Variants in CCDC73 observed in about 807,000 individuals in gnomAD.
The protein encoded by CCDC73 is coiled-coil domain containing 73.
A neutral mutation model predicts 116.5 loss-of-function variants in CCDC73; 95 were observed. The observed-to-expected ratio is 0.82, with a 90% CI of 0.69 to 0.97. The LOEUF is 0.97. Among genes scored for constraint, CCDC73 ranks in the 50% least tolerant of loss-of-function variants. The pLI is 0.00. For synonymous variants in CCDC73, 398 were observed against 401.3 expected, an observed-to-expected ratio of 0.99 and a Z score of 0.10; for missense variants, 1,066 against 1,206.8, an observed-to-expected ratio of 0.88 and a Z score of 1.73.
the CCDC73 span, among the ~76,000 whole-genome samples, chr11:32,806,707 C>T: frequency 3.3e-5 from 5 of 151,904 alleles, no homozygotes; most frequent in African/African-American, 4.8e-5. Context: ...TGGTTAGCCT[C>T]CCCAGGTCCA....
Position 32,760,234 on chromosome 11 carries a change from T to C in CCDC73, c.10A>G (p.Asn4Asp). 6.4e-7 allele frequency: 1 copy of C among 1,557,370 alleles called. No individual in the cohort carries two copies. The highest frequency in any genetic ancestry group is 8.7e-7 in the Non-Finnish European group (1 of 1,147,672). Reference sequence around the variant, plus strand: ...GTAGATGATGACTCAGTATTGAAGTTGCTTTCCATATTAATATTTATTTCC... The same window carrying C: ...GTAGATGATGACTCAGTATTGAAGTCGCTTTCCATATTAATATTTATTTCC... MES[N>D]FNTESSSTFT... The change falls in exon 2 of 18, where the codon AAC (asparagine) becomes GAC (aspartate). Residue 4 changes from asparagine (N) to aspartate (D), a missense_variant. Asn to Asp is a conservative substitution (Grantham distance 23). Coordinates refer to ENST00000335185, the MANE Select transcript of CCDC73 (RefSeq NM_001008391.4).
chr11:32,815,299 TA>T, the CCDC73 span, among the ~76,000 whole-genome samples: 1 of 151,262 alleles, frequency 6.6e-6, no homozygotes, highest in Non-Finnish European at 1.5e-5. Context: ...TGAGATGAAA[TA>T]AATTCATCCA....
chr11:32,631,716 G>A (rs1340470175), intron 14 of CCDC73, among the ~76,000 whole-genome samples: 1 of 152,118 alleles, frequency 6.6e-6, no homozygotes, highest in Non-Finnish European at 1.5e-5. Flanking sequence ...CTGGTGTGGT[G>A]GTGTGCACCC....
At position 32,652,406 on chromosome 11, in the gene CCDC73, T is replaced by C. The variant is rs139282698; in HGVS notation, c.939+717A>G. 7.6e-3 allele frequency among the ~76,000 whole-genome samples: 1,160 copies of C among 152,288 alleles called. 6 individuals are homozygous for C. The highest frequency in any genetic ancestry group is 0.012 in the Non-Finnish European group (829 of 68,020). ...ATGAACTTATCACATTTTACTTTAC[T>C]GGTAACACTAGAGTGGACCTTCACC... On this transcript the variant is annotated intron_variant, in intron 12 of 17. Transcript: ENST00000335185.
the CCDC73 span, among the ~76,000 whole-genome samples, chr11:32,811,748 T>C: frequency 1.3e-5 from 2 of 151,948 alleles, no homozygotes. Context: ...AAACATAAAG[T>C]GAGAACGCAT....
intron 2 of CCDC73, chr11:32,758,468 A>G (rs779420984): frequency 2.2e-6 from 1 of 461,660 alleles, no homozygotes; most frequent in Non-Finnish European, 4.3e-6. Context: ...TTATGAGGTT[A>G]TCTTGAAAAA....
At chr11:32,803,448 A>G in the CCDC73 span, among the ~76,000 whole-genome samples, 1 of 152,238 alleles carries the variant, frequency 6.6e-6, no homozygotes, top group Non-Finnish European at 1.5e-5. Flanking sequence ...AATGTACTAA[A>G]CAGCATGCAC....
chr11:32,799,953 T>G, the CCDC73 span, among the ~76,000 whole-genome samples: 1 of 152,240 alleles, frequency 6.6e-6, no homozygotes, highest in African/African-American at 2.4e-5. Context: ...TTCATCTTTG[T>G]ATCTGTAACC....
chr11:32,626,633 A>G (rs1489842459), intron 14 of CCDC73, among the ~76,000 whole-genome samples: 3 of 152,312 alleles, frequency 2.0e-5, no homozygotes, highest in African/African-American at 7.2e-5. Flanking sequence ...ACAGAGATAT[A>G]GACCAATGGA....
intron 3 of CCDC73, among the ~76,000 whole-genome samples, chr11:32,708,981 G>T (rs1055549098): frequency 1.3e-5 from 2 of 152,132 alleles, no homozygotes; most frequent in East Asian, 3.9e-4. Flanking sequence ...TCCTTGTCTT[G>T]TTCCAGTTCT....
chr11:32,703,618 A>C (rs1849830994), intron 3 of CCDC73, among the ~76,000 whole-genome samples: 1 of 152,228 alleles, frequency 6.6e-6, no homozygotes, highest in Admixed American at 6.5e-5. Context: ...CAATGACAAC[A>C]ACAACAACAA....
In CCDC73 at chr11:32,653,972, G is replaced by A; in HGVS notation, c.834+6C>T. 1 of 1,594,886 alleles carries A rather than the reference G, an allele frequency of 6.3e-7. No homozygotes were observed. The highest frequency in any genetic ancestry group is 8.5e-7 in the Non-Finnish European group (1 of 1,172,656). ...ACTGGCTTCCAAATAGCTTATGATT[G>A]CTTACCTGTTTTTCTTCTTGAATAT... On this transcript the variant is annotated splice_donor_region_variant and intron_variant, in intron 11 of 17. Coordinates refer to ENST00000335185, the MANE Select transcript of CCDC73 (RefSeq NM_001008391.4).
At chr11:32,653,898 T>C in intron 11 of CCDC73, 80 bp downstream of exon 11, 1 of 1,486,792 alleles carries the variant, frequency 6.7e-7, no homozygotes, top group Non-Finnish European at 9.0e-7. Flanking sequence ...CTATGTGCTA[T>C]GCATGATTCC....
intron 12 of CCDC73, among the ~76,000 whole-genome samples, 168 bp downstream of exon 12, chr11:32,652,955 A>G (rs923965821): frequency 1.1e-4 from 16 of 152,328 alleles, no homozygotes; most frequent in Non-Finnish European, 1.5e-5. Context: ...ATATATGTTC[A>G]TTACTTTAGA....
At chr11:32,631,728 T>G (rs191120288) in intron 14 of CCDC73, among the ~76,000 whole-genome samples, 1 of 152,202 alleles carries the variant, frequency 6.6e-6, no homozygotes, top group African/African-American at 2.4e-5. Context: ...TGTGCACCCA[T>G]AGTCAGGCTG....
intron 13 of CCDC73, 87 bp from the exon 14 acceptor site, chr11:32,635,917 A>G: frequency 1.2e-6 from 1 of 832,534 alleles, no homozygotes; most frequent in Non-Finnish European, 1.5e-6. Context: ...CAAAAGTTTC[A>G]GGAAATAGTC....
At chr11:32,700,909 T>C in intron 4 of CCDC73, 83 bp from the exon 5 acceptor site, 1 of 532,544 alleles carries the variant, frequency 1.9e-6, no homozygotes, top group Non-Finnish European at 3.3e-6. Context: ...AAGAAACACT[T>C]TACACATCTA....
In CCDC73 at chr11:32,608,843, A is replaced by G. The variant is rs529059638; in HGVS notation, c.3030+2289T>C. 4.6e-5 allele frequency among the ~76,000 whole-genome samples: 7 copies of G among 152,300 alleles called. No homozygotes were observed. In the South Asian group the frequency reaches 1.5e-3, roughly 32 times the overall value. On this transcript the variant is annotated intron_variant, in intron 17 of 17. Transcript: ENST00000335185. ...TTGACTTCTGTGTACTCGCAGGTTC[A>G]ACACCACATGGAAGCTGCCAAGGCT...
At chr11:32,687,447 GT>G (rs1856212203) in intron 6 of CCDC73, among the ~76,000 whole-genome samples, 1 of 152,182 alleles carries the variant, frequency 6.6e-6, no homozygotes, top group Non-Finnish European at 1.5e-5. Flanking sequence ...GACTGGTTAT[GT>G]AACAGGGTGT....
Sources: allele counts gnomAD v4.1 joint callset (sites outside exome capture counted in the v4.1 genomes callset), GRCh38; gene constraint gnomAD v4.1.1; transcripts MANE v1.5; gene names NCBI Gene and HGNC (gene_info 2026-07-23, HGNC 2026-07-21).